ADAP1: variants seen among roughly 807,000 people sequenced by gnomAD.
ADAP1 encodes the protein arf-GAP with dual PH domain-containing protein 1.
A neutral mutation model predicts 54.9 loss-of-function variants in ADAP1; 31 were observed. The ratio of observed to expected loss-of-function variants is 0.56; its 90% CI spans 0.42 to 0.76. The LOEUF (loss-of-function observed/expected upper bound fraction) is 0.76. Among genes scored for constraint, ADAP1 ranks in the 30% least tolerant of loss-of-function variants. The pLI, the probability that ADAP1 is intolerant of heterozygous loss-of-function variation, is 0.00. For synonymous variants in ADAP1, 313 were observed against 202.6 expected, an observed-to-expected ratio of 1.55 and a Z score of -4.63; for missense variants, 535 against 512.4, an observed-to-expected ratio of 1.04 and a Z score of -0.42.
At chr7:953,825 G>A (rs958924892) in intron 1 of ADAP1, among the ~76,000 whole-genome samples, 2 of 152,194 alleles carry the variant, frequency 1.3e-5, no homozygotes, top group Non-Finnish European at 1.5e-5. Context: ...ACCAGGACCT[G>A]CGTCCGGCCC....
At chr7:919,802 T>C in intron 4 of ADAP1, among the ~76,000 whole-genome samples, 166 bp downstream of exon 4, 1 of 1,206 alleles carries the variant, frequency 8.3e-4, no homozygotes, top group South Asian at 0.014. Context: ...GGGAGGGAGA[T>C]GGGGGGAGGG....
At chr7:908,724 A>C (rs1482854818) in intron 4 of ADAP1, among the ~76,000 whole-genome samples, 1 of 152,164 alleles carries the variant, frequency 6.6e-6, no homozygotes, top group Non-Finnish European at 1.5e-5. Flanking sequence ...GGACGCCGAG[A>C]AGTGCCCGGG....
chr7:929,838 T>C (rs1846510091), intron 2 of ADAP1, among the ~76,000 whole-genome samples: 1 of 152,000 alleles, frequency 6.6e-6, no homozygotes, highest in African/African-American at 2.4e-5. Context: ...GTGTGGTGGC[T>C]GAAGCCTGTA....
Position 900,132 on chromosome 7 carries a change from C to T in ADAP1, c.765G>A (p.Lys255=). ...GCCCCGTCTTCTCCATGTAGCCTTC[C>T]TTCAGGTAGTTCCTGGAGAGCTTTG... is the stretch of plus-strand genomic sequence containing the variant. ...LVPKLSRNYL[K]EGYMEKTGPK... Residue 255 remains lysine, a synonymous_variant, in exon 8 of 11, where the codon AAG becomes AAA. Transcript: ENST00000265846. The T allele has an allele frequency of 1.9e-6, 3 of 1,613,284 alleles. No homozygotes were observed. Among genetic ancestry groups the T allele is most frequent in the African/African-American group, 1.3e-5 (1 of 75,060 alleles).
chr7:906,804 A>AGG (rs1845473207), intron 4 of ADAP1, among the ~76,000 whole-genome samples: 5 of 22,770 alleles, frequency 2.2e-4, no homozygotes, highest in Admixed American at 1.4e-3. Flanking sequence ...GACAGGGGAC[A>AGG]TGGGGGGACA....
intron 2 of ADAP1, among the ~76,000 whole-genome samples, chr7:931,550 T>C (rs1156457135): frequency 3.9e-5 from 6 of 152,132 alleles, no homozygotes; most frequent in Admixed American, 2.0e-4. Flanking sequence ...AAAGTGGATT[T>C]GCAGCTGCTT....
intron 5 of ADAP1, among the ~76,000 whole-genome samples, chr7:904,530 G>A (rs1442414015): frequency 6.6e-6 from 1 of 152,196 alleles, no homozygotes; most frequent in Non-Finnish European, 1.5e-5. Context: ...CCTCCCCGGG[G>A]GCAGCCCCGG....
intron 4 of ADAP1, among the ~76,000 whole-genome samples, chr7:905,891 GA>G (rs1349641535): frequency 2.3e-4 from 2 of 8,834 alleles, no homozygotes; most frequent in African/African-American, 6.6e-4. Flanking sequence ...GGAGAAAGGA[GA>G]AAGGAGAAAG....
intron 4 of ADAP1, among the ~76,000 whole-genome samples, chr7:915,612 G>A (rs1425040639): frequency 6.6e-6 from 1 of 152,188 alleles, no homozygotes; most frequent in Non-Finnish European, 1.5e-5. Context: ...CACACGGGAG[G>A]CTTTAGCTCA....
chr7:904,972 G>T, intron 5 of ADAP1, 88 bp downstream of exon 5: 4 of 1,179,002 alleles, frequency 3.4e-6, no homozygotes, highest in East Asian at 2.4e-5. Flanking sequence ...GGCAGCTGCG[G>T]ATGGACGCGG....
intron 1 of ADAP1, among the ~76,000 whole-genome samples, chr7:947,124 C>T (rs28464946): frequency 0.024 from 3,706 of 151,596 alleles, 63 homozygotes; most frequent in Middle Eastern, 0.034. Context: ...ACTGCAGCCT[C>T]GGCCTCCTGG....
chr7:898,967 C>CCAG lies in ADAP1; in HGVS notation c.1097-21_1097-19dup, dbSNP rs1844641179. 6.2e-7 allele frequency: 1 copy of CCAG among 1,611,426 alleles called. No homozygotes were observed. The highest frequency in any genetic ancestry group is 1.7e-5 in the Admixed American group (1 of 59,836). Reference sequence around the variant, plus strand: ...CGCCTCCACTGCAACGGAACAGGGTCCAGCGTTGTCACAGCGGCGGGGAGC... The same window carrying CCAG: ...CGCCTCCACTGCAACGGAACAGGGTCCAGCAGCGTTGTCACAGCGGCGGGGAGC... On this transcript the variant is annotated intron_variant, in intron 10 of 10. Coordinates refer to ENST00000265846, the MANE Select transcript of ADAP1 (RefSeq NM_006869.4).
chr7:904,004 C>T, intron 6 of ADAP1, 122 bp downstream of exon 6: 1 of 1,350,056 alleles, frequency 7.4e-7, no homozygotes, highest in Non-Finnish European at 9.9e-7. Flanking sequence ...CCCGCCTTCT[C>T]ATGCCGCCTA....
intron 1 of ADAP1, among the ~76,000 whole-genome samples, chr7:944,533 C>T (rs1014007453): frequency 6.6e-6 from 1 of 152,084 alleles, no homozygotes; most frequent in Non-Finnish European, 1.5e-5. Flanking sequence ...GGATTATAGG[C>T]CTGAGCCACC....
intron 7 of ADAP1, 21 bp from the exon 8 acceptor site, chr7:900,185 C>T (rs778773840): frequency 1.5e-5 from 24 of 1,612,816 alleles, no homozygotes; most frequent in Non-Finnish European, 1.9e-5. Flanking sequence ...ACACACCAGG[C>T]AGGGGACCTC....
chr7:920,872 C>G lies in ADAP1; in HGVS notation c.306-822G>C, dbSNP rs1846169197. ...GCACAGGCAGCCGCCCCAGCCTTTT[C>G]CACTCCCAGGGAATTACGCGGCAAA... On this transcript the variant is annotated intron_variant, in intron 3 of 10. Transcript: ENST00000265846. This position sits in a 1 kb window ranked among gnomAD's most constrained non-coding sequence, Gnocchi z 4.5. 1 of 1,550,066 alleles carries G rather than the reference C, an allele frequency of 6.5e-7. No homozygotes were observed. Among genetic ancestry groups the G allele is most frequent in the South Asian group, 1.2e-5 (1 of 84,064 alleles).
At chr7:912,324 G>T (rs149521010) in intron 4 of ADAP1, among the ~76,000 whole-genome samples, 2,316 of 152,316 alleles carry the variant, frequency 0.015, 49 homozygotes, top group African/African-American at 0.052. Flanking sequence ...CATTGAGGCT[G>T]CGGCCCGAGG....
At position 926,664 on chromosome 7, in the gene ADAP1, G is replaced by A. The variant is rs774569046; in HGVS notation, c.214-20C>T. ...CATGAACTGCAAGAGAGGAGGGGCC[G>A]GGTCAGAGGCCTGGGGTCCCAGGGG... On this transcript the variant is annotated intron_variant, in intron 2 of 10. Transcript: ENST00000265846. This position sits in a 1 kb window ranked among gnomAD's most constrained non-coding sequence, Gnocchi z 4.6. 190 of 1,530,388 alleles carry A rather than the reference G, an allele frequency of 1.2e-4. 1 individual carries two copies. The highest frequency in any genetic ancestry group is 1.6e-4 in the Non-Finnish European group (181 of 1,137,976). The allele number at this position is 1,530,388 out of a possible 1,614,324, so 94.8% of individuals were successfully genotyped here.
At chr7:933,131 C>T (rs570607188) in intron 2 of ADAP1, among the ~76,000 whole-genome samples, 4 of 151,992 alleles carry the variant, frequency 2.6e-5, no homozygotes, top group African/African-American at 7.2e-5. Context: ...ATTAGCCGGG[C>T]GTGGTGGCGT....
Sources: allele counts gnomAD v4.1 joint callset (sites outside exome capture counted in the v4.1 genomes callset), GRCh38; gene constraint gnomAD v4.1.1; non-coding constraint Gnocchi (gnomAD v3.1); transcripts MANE v1.5; gene names NCBI Gene and HGNC (gene_info 2026-07-23, HGNC 2026-07-21).